Variants in GMDS observed in about 807,000 individuals in gnomAD.
GMDS encodes the protein GDP-mannose 4,6 dehydratase.
In GMDS, 20 loss-of-function variants were observed where a neutral mutation model predicts 49.9. That is an observed-to-expected ratio of 0.40 (90% CI 0.28 to 0.58). The LOEUF is 0.58. Ranked by LOEUF, GMDS falls within the 20% of genes least tolerant of loss-of-function variation. GMDS has a pLI of 0.42. For missense variants in GMDS, 362 were observed against 481.4 expected (o/e 0.75, Z 2.32); for synonymous variants, 177 against 178.6 (o/e 0.99, Z 0.07).
chr6:1,930,099 C>T lies in GMDS; in HGVS notation c.771+4G>A, dbSNP rs945777874. 7 of 1,607,366 alleles carry T rather than the reference C, an allele frequency of 4.4e-6. No individual in the cohort carries two copies. The highest frequency in any genetic ancestry group is 1.6e-4 in the Middle Eastern group (1 of 6,066). On this transcript the variant is annotated splice_donor_region_variant and intron_variant, in intron 7 of 10. Coordinates refer to ENST00000380815, the MANE Select transcript of GMDS (RefSeq NM_001500.4). ...TTTCAAGAATGTAATGTGTCAGTTC[C>T]TACCTCCACATAGTCCTTGGCATGG...
intron 4 of GMDS, among the ~76,000 whole-genome samples, chr6:2,049,912 C>T (rs1277940082): frequency 2.0e-5 from 3 of 152,050 alleles, no homozygotes; most frequent in East Asian, 3.9e-4. Context: ...ACTAAATGCC[C>T]ACAAGAGAAA....
chr6:1,850,765 G>C (rs1401741462), intron 7 of GMDS, among the ~76,000 whole-genome samples: 1 of 152,184 alleles, frequency 6.6e-6, no homozygotes, highest in East Asian at 1.9e-4. Context: ...ATACGTTATT[G>C]GATCCAGACC....
chr6:1,636,153 A>G (rs534475825), intron 9 of GMDS, among the ~76,000 whole-genome samples: 3 of 152,300 alleles, frequency 2.0e-5, no homozygotes, highest in African/African-American at 7.2e-5. Flanking sequence ...TTGCTCAGTA[A>G]TTTGATGAAA....
intron 7 of GMDS, among the ~76,000 whole-genome samples, chr6:1,865,646 A>C (rs1561853526): frequency 6.6e-6 from 1 of 152,216 alleles, no homozygotes. Context: ...GAACGAAAGG[A>C]AAAAAGATGT....
chr6:2,165,486 A>T (rs1380723684), intron 1 of GMDS, among the ~76,000 whole-genome samples: 1 of 152,136 alleles, frequency 6.6e-6, no homozygotes, highest in Non-Finnish European at 1.5e-5. Flanking sequence ...CAGCCTTTCA[A>T]CTCATTGGAT....
intron 7 of GMDS, among the ~76,000 whole-genome samples, chr6:1,827,157 A>G (rs555919545): frequency 1.1e-4 from 17 of 151,066 alleles, no homozygotes; most frequent in Non-Finnish European, 2.2e-4. Flanking sequence ...ATATATGCAC[A>G]CACACACACA....
At chr6:2,192,810 G>A (rs766430019) in intron 1 of GMDS, among the ~76,000 whole-genome samples, 1 of 152,184 alleles carries the variant, frequency 6.6e-6, no homozygotes, top group Admixed American at 6.5e-5. Flanking sequence ...CCTTGGAGGT[G>A]TGGGATCCAG....
At chr6:2,057,784 T>C (rs904177232) in intron 4 of GMDS, among the ~76,000 whole-genome samples, 1 of 152,230 alleles carries the variant, frequency 6.6e-6, no homozygotes, top group African/African-American at 2.4e-5. Flanking sequence ...CCAGCAGAAC[T>C]TTCTGTGGTA....
At chr6:1,972,587 T>G (rs189215766) in intron 4 of GMDS, among the ~76,000 whole-genome samples, 2 of 152,246 alleles carry the variant, frequency 1.3e-5, no homozygotes, top group Non-Finnish European at 2.9e-5. Context: ...CACACAGATT[T>G]GGATTAAAAA....
At chr6:2,023,448 G>C (rs1768394579) in intron 4 of GMDS, among the ~76,000 whole-genome samples, 1 of 152,244 alleles carries the variant, frequency 6.6e-6, no homozygotes, top group South Asian at 2.1e-4. Flanking sequence ...AACCTGAGGA[G>C]TCTTGGCACA....
At chr6:2,142,345 C>A (rs1209490999) in intron 1 of GMDS, among the ~76,000 whole-genome samples, 1 of 151,962 alleles carries the variant, frequency 6.6e-6, no homozygotes, top group East Asian at 1.9e-4. Flanking sequence ...ACGGTTGGTG[C>A]AGATGTAATT....
At chr6:1,913,388 C>CA (rs56262461) in intron 7 of GMDS, among the ~76,000 whole-genome samples, 2 of 103,974 alleles carry the variant, frequency 1.9e-5, no homozygotes, top group African/African-American at 3.8e-5. Context: ...CTCAAACAAA[C>CA]AAAAAAAAAA....
chr6:1,919,255 C>T (rs1761586632), intron 7 of GMDS, among the ~76,000 whole-genome samples: 1 of 152,152 alleles, frequency 6.6e-6, no homozygotes, highest in Non-Finnish European at 1.5e-5. Context: ...CAGAGGTCTC[C>T]CTCACTTTTC....
chr6:1,684,209 C>T (rs1764892966), intron 9 of GMDS, among the ~76,000 whole-genome samples: 2 of 152,112 alleles, frequency 1.3e-5, no homozygotes, highest in African/African-American at 2.4e-5. Context: ...CCGCTGAAGT[C>T]GTATGGAAAC....
intron 9 of GMDS, among the ~76,000 whole-genome samples, chr6:1,660,353 T>C (rs1764027382): frequency 6.6e-6 from 1 of 152,016 alleles, no homozygotes; most frequent in Non-Finnish European, 1.5e-5. Flanking sequence ...ACACAAATCT[T>C]GAAGAGTGGG....
chr6:1,983,235 G>C (rs754879901), intron 4 of GMDS, among the ~76,000 whole-genome samples: 1 of 151,958 alleles, frequency 6.6e-6, no homozygotes, highest in African/African-American at 2.4e-5. Context: ...AACTCAACAC[G>C]GACTAAAGAC....
At chr6:2,075,906 T>G (rs1441754195) in intron 4 of GMDS, among the ~76,000 whole-genome samples, 2 of 152,190 alleles carry the variant, frequency 1.3e-5, no homozygotes, top group African/African-American at 4.8e-5. Flanking sequence ...CTCCACATCC[T>G]CTCCAGCACC....
At chr6:1,765,374 G>C (rs1174791085) in intron 7 of GMDS, among the ~76,000 whole-genome samples, 1 of 152,118 alleles carries the variant, frequency 6.6e-6, no homozygotes, top group Non-Finnish European at 1.5e-5. Flanking sequence ...AGGTGAGATG[G>C]GAACACAACC....
chr6:2,222,735 G>A (rs1453198226), intron 1 of GMDS, among the ~76,000 whole-genome samples: 1 of 152,152 alleles, frequency 6.6e-6, no homozygotes, highest in East Asian at 1.9e-4. Context: ...GTAGGTGTGG[G>A]GGAAATCTGG....
Sources: gnomAD v4.1 joint callset for allele counts (sites outside exome capture counted in the v4.1 genomes callset) on GRCh38, gnomAD v4.1.1 for gene constraint, MANE v1.5 for transcripts, NCBI Gene and HGNC (gene_info 2026-07-23, HGNC 2026-07-21) for gene names.